KIF16B: variants seen among roughly 807,000 people sequenced by gnomAD.
The protein encoded by KIF16B is kinesin-like protein KIF16B.
Under a neutral mutation model 156.3 loss-of-function variants are expected in KIF16B, and 98 were observed. The observed-to-expected ratio is 0.63, with a 90% CI of 0.53 to 0.74. The LOEUF (loss-of-function observed/expected upper bound fraction) is 0.74, where lower values mean the gene tolerates loss of function less well. KIF16B is among the 30% of genes least tolerant of loss of function. KIF16B has a pLI of 0.00. For missense variants in KIF16B, 1,421 were observed against 1,606.5 expected (o/e 0.88, Z 1.97); for synonymous variants, 564 against 583.7 (o/e 0.97, Z 0.49).
intron 1 of KIF16B, among the ~76,000 whole-genome samples, chr20:16,530,269 C>A (rs889800064): frequency 3.9e-5 from 6 of 152,170 alleles, no homozygotes; most frequent in African/African-American, 1.4e-4. Context: ...CTGTCGTGTG[C>A]GATCCTTGCC....
At chr20:16,526,294 C>T (rs6034517) in intron 2 of KIF16B, 89 bp from the exon 3 acceptor site, 154,318 of 564,860 alleles carry the variant, frequency 0.27, 22,413 homozygotes, top group East Asian at 0.32. Flanking sequence ...GACTAAAAAC[C>T]ATTTCATTCC....
chr20:16,531,447 C>T (rs770030045), intron 1 of KIF16B, among the ~76,000 whole-genome samples: 3 of 152,134 alleles, frequency 2.0e-5, no homozygotes, highest in South Asian at 2.1e-4. Flanking sequence ...GAGGGACCAC[C>T]GATGGTTACC....
At chr20:16,463,675 GAT>G (rs2067410423) in intron 12 of KIF16B, among the ~76,000 whole-genome samples, 1 of 152,140 alleles carries the variant, frequency 6.6e-6, no homozygotes, top group Admixed American at 6.5e-5. Context: ...AAGTATGAGT[GAT>G]AGTCTTCTGA....
intron 1 of KIF16B, among the ~76,000 whole-genome samples, chr20:16,554,890 G>T (rs2070790686): frequency 6.6e-6 from 1 of 152,258 alleles, no homozygotes; most frequent in Admixed American, 6.5e-5. Context: ...CCAGCACCTG[G>T]AGTTGCCCAC....
intron 17 of KIF16B, chr20:16,382,227 G>GT (rs1271793754): frequency 2.9e-6 from 2 of 688,946 alleles, no homozygotes; most frequent in African/African-American, 3.8e-5. Context: ...GAGAAAAGCA[G>GT]TAAGGTACTT....
intron 1 of KIF16B, among the ~76,000 whole-genome samples, chr20:16,553,979 G>A (rs966778477): frequency 1.3e-5 from 2 of 152,220 alleles, no homozygotes; most frequent in Non-Finnish European, 2.9e-5. Context: ...TAGCACTGAT[G>A]AGCATGGGAG....
intron 15 of KIF16B, among the ~76,000 whole-genome samples, chr20:16,412,508 C>A (rs889538368): frequency 6.6e-6 from 1 of 152,158 alleles, no homozygotes; most frequent in East Asian, 1.9e-4. Context: ...GTAACTGACT[C>A]ACAGTTCAGC....
chr20:16,433,232 G>A (rs2066549970), intron 12 of KIF16B, among the ~76,000 whole-genome samples: 1 of 152,144 alleles, frequency 6.6e-6, no homozygotes, highest in South Asian at 2.1e-4. Context: ...TGCACACACA[G>A]TCAGTAGCCC....
intron 10 of KIF16B, among the ~76,000 whole-genome samples, chr20:16,500,202 C>A (rs2068578506): frequency 6.6e-6 from 1 of 152,042 alleles, no homozygotes; most frequent in South Asian, 2.1e-4. Context: ...ATACGTATAC[C>A]CATTTCACTA....
chr20:16,410,230 C>CATATATGTAGGTACATATAT (rs2065915309), intron 15 of KIF16B, among the ~76,000 whole-genome samples: 1 of 134,932 alleles, frequency 7.4e-6, no homozygotes, highest in Non-Finnish European at 1.6e-5. Flanking sequence ...GGTACATATA[C>CATATATGTAGGTACATATAT]ATATATGTAG....
intron 1 of KIF16B, among the ~76,000 whole-genome samples, chr20:16,550,328 C>G (rs2070592160): frequency 6.6e-6 from 1 of 151,534 alleles, no homozygotes; most frequent in African/African-American, 2.4e-5. Flanking sequence ...GAATGGCAGT[C>G]ATTAAAAAGT....
chr20:16,484,049 C>A (rs553569162), intron 12 of KIF16B, among the ~76,000 whole-genome samples: 1 of 152,114 alleles, frequency 6.6e-6, no homozygotes, highest in Non-Finnish European at 1.5e-5. Flanking sequence ...GCAATAAATA[C>A]GCAGTCAGAG....
chr20:16,507,938 G>C lies in KIF16B; in HGVS notation c.699+20C>G, dbSNP rs774718398. The C allele has an allele frequency of 1.2e-6, 2 of 1,613,754 alleles. No homozygotes were observed. Among genetic ancestry groups the C allele is most frequent in the Non-Finnish European group, 1.7e-6 (2 of 1,179,816 alleles). On this transcript the variant is annotated intron_variant, in intron 7 of 25. Transcript: ENST00000354981. Reference sequence around the variant, plus strand: ...AAAGACCTCAGGGATGGAGCCAGCTGGTCCCGCAGCAGCCCTTACCTGAGT... The same window carrying C: ...AAAGACCTCAGGGATGGAGCCAGCTCGTCCCGCAGCAGCCCTTACCTGAGT...
intron 10 of KIF16B, among the ~76,000 whole-genome samples, chr20:16,499,520 ATGT>A (rs2068555536): frequency 6.6e-6 from 1 of 152,256 alleles, no homozygotes; most frequent in Non-Finnish European, 1.5e-5. Flanking sequence ...TGCATCTAAC[ATGT>A]TGTCTTGCAC....
intron 25 of KIF16B, among the ~76,000 whole-genome samples, chr20:16,307,667 G>T (rs2063560803): frequency 6.6e-6 from 1 of 152,090 alleles, no homozygotes; most frequent in South Asian, 2.1e-4. Flanking sequence ...ATATAATAAA[G>T]AAAAGAATTG....
intron 1 of KIF16B, among the ~76,000 whole-genome samples, chr20:16,540,746 C>T (rs1352093545): frequency 6.6e-6 from 1 of 152,134 alleles, no homozygotes; most frequent in Non-Finnish European, 1.5e-5. Flanking sequence ...CTGTTCCACC[C>T]AAGAGCACTT....
In KIF16B at chr20:16,458,870, T is replaced by C. The variant is rs141453026; in HGVS notation, c.1303-28888A>G. Among the ~76,000 whole-genome samples, 349 of 152,268 alleles carry C rather than the reference T, an allele frequency of 2.3e-3. 1 individual carries two copies. Among genetic ancestry groups the C allele is most frequent in the Admixed American group, 5.5e-3 (84 of 15,280 alleles). On this transcript the variant is annotated intron_variant, in intron 12 of 25. Transcript: ENST00000354981. ...ATTACTGGAAAGTGCTTTGGACTCT[T>C]TGGAAGAAAGGGACTATATAAATGG...
chr20:16,420,782 G>T (rs2066206559), intron 15 of KIF16B, among the ~76,000 whole-genome samples: 1 of 152,084 alleles, frequency 6.6e-6, no homozygotes, highest in East Asian at 1.9e-4. Flanking sequence ...GACACAATGA[G>T]TCAGGAAGGG....
At chr20:16,274,087 AC>A (rs1295374486) in intron 25 of KIF16B, among the ~76,000 whole-genome samples, 2 of 151,386 alleles carry the variant, frequency 1.3e-5, no homozygotes, top group African/African-American at 2.4e-5. Context: ...AAAAAAAAAA[AC>A]AAAAAAAAAA....
Sources: gnomAD v4.1 joint callset for allele counts (sites outside exome capture counted in the v4.1 genomes callset) on GRCh38, gnomAD v4.1.1 for gene constraint, MANE v1.5 for transcripts, NCBI Gene and HGNC (gene_info 2026-07-23, HGNC 2026-07-21) for gene names.